VIT: variants seen among roughly 807,000 people sequenced by gnomAD.
VIT encodes vitrin.
Under a neutral mutation model 78.0 loss-of-function variants are expected in VIT, and 99 were observed. The ratio of observed to expected loss-of-function variants is 1.27; its 90% CI spans 1.08 to 1.50. The LOEUF (loss-of-function observed/expected upper bound fraction) is 1.50. Ranked by LOEUF, VIT falls within the 40% of genes most tolerant of loss-of-function variation. The pLI is 0.00. For synonymous variants in VIT, 374 were observed against 334.3 expected (o/e 1.12, Z -1.29); for missense variants, 1,126 against 875.3 (o/e 1.29, Z -3.61).
chr2:36,759,424 C>G (rs1327557933), intron 6 of VIT: 8 of 1,292,878 alleles, frequency 6.2e-6, no homozygotes, highest in Non-Finnish European at 7.9e-6. Flanking sequence ...TGAAGAGAAG[C>G]AAAGAGAACG....
At chr2:36,732,610 T>C (rs1264432690) in intron 3 of VIT, among the ~76,000 whole-genome samples, 1 of 152,144 alleles carries the variant, frequency 6.6e-6, no homozygotes, top group Admixed American at 6.5e-5. Flanking sequence ...CATTATTCAC[T>C]CATTTGATAA....
chr2:36,804,506 G>A (rs1666561207), intron 13 of VIT, among the ~76,000 whole-genome samples: 1 of 152,180 alleles, frequency 6.6e-6, no homozygotes, highest in Non-Finnish European at 1.5e-5. Context: ...GGCTTAGTGT[G>A]GGTCCAGCAG....
chr2:36,763,671 C>A (rs911960681), intron 6 of VIT, among the ~76,000 whole-genome samples: 4 of 146,816 alleles, frequency 2.7e-5, no homozygotes, highest in African/African-American at 7.5e-5. Flanking sequence ...CTCTCCACAA[C>A]CTCCGCCTCC....
At chr2:36,755,695 T>C (rs1028281109) in intron 5 of VIT, among the ~76,000 whole-genome samples, 2 of 152,204 alleles carry the variant, frequency 1.3e-5, no homozygotes, top group African/African-American at 4.8e-5. Context: ...ACATTAGTAA[T>C]TGCAAAATTA....
intron 9 of VIT, among the ~76,000 whole-genome samples, chr2:36,779,658 CTGTTCCCCACCATG>C (rs1327078661): frequency 6.6e-6 from 1 of 152,170 alleles, no homozygotes; most frequent in Non-Finnish European, 1.5e-5. Flanking sequence ...CCAGTACGTG[CTGTTCCCCACCATG>C]TGTTCTCATC....
At chr2:36,706,073 T>G (rs1384419616) in intron 1 of VIT, among the ~76,000 whole-genome samples, 1 of 152,234 alleles carries the variant, frequency 6.6e-6, no homozygotes, top group Non-Finnish European at 1.5e-5. Flanking sequence ...AGCAACATTC[T>G]GACAGCATGG....
chr2:36,805,118 C>T (rs922654924), intron 13 of VIT, among the ~76,000 whole-genome samples: 3 of 151,930 alleles, frequency 2.0e-5, no homozygotes, highest in African/African-American at 7.3e-5. Context: ...GCCTAGGCAG[C>T]ATGGCAAAAC....
At chr2:36,779,193 CT>C (rs1670246131) in intron 9 of VIT, among the ~76,000 whole-genome samples, 1 of 152,200 alleles carries the variant, frequency 6.6e-6, no homozygotes, top group South Asian at 2.1e-4. Flanking sequence ...ATGATGACTC[CT>C]AGTGTGTGAT....
chr2:36,782,497 C>A (rs568024998), intron 10 of VIT, among the ~76,000 whole-genome samples: 1 of 152,336 alleles, frequency 6.6e-6, no homozygotes, highest in Non-Finnish European at 1.5e-5. Context: ...CGAGCGAAGA[C>A]CCCCGCACCT....
rs1199934547 is a variant in VIT, at chr2:36,808,539, T to G, written c.1457T>G (p.Leu486Arg). ...AGCTGGTTTGGCCTCCACAAGACCC[T>G]GCAGCCTCTGGTGAAGCGGGTCTGC... is the stretch of plus-strand genomic sequence containing the variant. ...VQSWFGLHKT[L>R]QPLVKRVCDT... is the part of the protein sequence containing the mutation. Residue 486 changes from leucine to arginine, a missense_variant, in exon 15 of 16, where the codon CTG becomes CGG. Coordinates refer to ENST00000379242, the MANE Select transcript of VIT (RefSeq NM_053276.4). 6.2e-7 allele frequency: 1 copy of G among 1,613,960 alleles called. No individual in the cohort carries two copies. Among genetic ancestry groups the G allele is most frequent in the African/African-American group, 1.3e-5 (1 of 74,946 alleles).
intron 13 of VIT, among the ~76,000 whole-genome samples, chr2:36,802,958 C>G (rs1045369087): frequency 6.6e-6 from 1 of 152,214 alleles, no homozygotes; most frequent in Non-Finnish European, 1.5e-5. Flanking sequence ...AGTAGGACCT[C>G]CAAGGGAGCT....
chr2:36,753,255 T>A (rs1668574089), intron 4 of VIT, among the ~76,000 whole-genome samples: 1 of 151,916 alleles, frequency 6.6e-6, no homozygotes, highest in South Asian at 2.1e-4. Flanking sequence ...AACTAATGGA[T>A]GCTGGGCCGA....
chr2:36,795,022 G>A (rs1665768773), intron 12 of VIT, among the ~76,000 whole-genome samples: 1 of 152,150 alleles, frequency 6.6e-6, no homozygotes, highest in Admixed American at 6.5e-5. Flanking sequence ...CGAGAGAGGA[G>A]AGGATGTTTG....
In VIT at chr2:36,783,321, G is replaced by A; in HGVS notation, c.848-19G>A. On this transcript the variant is annotated intron_variant, in intron 10 of 15. Transcript: ENST00000379242. Reference sequence around the variant, plus strand: ...TTCCTTTCCTTGTAAGTCACCAAAAGTTTTACTGCTCTTTCCAGGACTTGT... The same window carrying A: ...TTCCTTTCCTTGTAAGTCACCAAAAATTTTACTGCTCTTTCCAGGACTTGT... 1 of 1,613,886 alleles carries A rather than the reference G, an allele frequency of 6.2e-7. No homozygotes were observed. The highest frequency in any genetic ancestry group is 8.5e-7 in the Non-Finnish European group (1 of 1,179,856).
rs761963278 is a variant in VIT, at chr2:36,808,556, C to G, written c.1474C>G (p.Arg492Gly). ...CAAGACCCTGCAGCCTCTGGTGAAGCGGGTCTGCGACACTGACCGCCTGGC... is the reference window on the plus strand; with the variant it reads ...CAAGACCCTGCAGCCTCTGGTGAAGGGGGTCTGCGACACTGACCGCCTGGC... ...LHKTLQPLVK[R>G]VCDTDRLACS... Residue 492 changes from arginine (R) to glycine (G), a missense_variant, in exon 15 of 16, where the codon CGG (arginine) becomes GGG (glycine). Arg to Gly is a moderately radical substitution (Grantham distance 125). Transcript: ENST00000379242. 23 of 1,613,988 alleles carry G rather than the reference C, an allele frequency of 1.4e-5. No homozygotes were observed. The highest frequency in any genetic ancestry group is 2.7e-5 in the African/African-American group (2 of 74,926).
At chr2:36,783,595 G>A (rs1208847855) in intron 11 of VIT, among the ~76,000 whole-genome samples, 193 bp downstream of exon 11, 3 of 152,204 alleles carry the variant, frequency 2.0e-5, no homozygotes, top group African/African-American at 7.2e-5. Flanking sequence ...GCATGAGGGG[G>A]AGAGGATCAA....
Position 36,755,036 on chromosome 2 carries a change from G to A in VIT, c.391G>A (p.Glu131Lys). ...VQSLSLPRWR[E>K]SFIVLESKPK... The stretch of plus-strand genomic sequence containing the variant: ...ATCGTTATCCCTACCACGATGGAGA[G>A]AATCCTTTATCGTCTTAGGTATGAC... Residue 131 changes from glutamate to lysine, a missense_variant, in exon 5 of 16, where the codon GAA becomes AAA. Coordinates refer to ENST00000379242, the MANE Select transcript of VIT (RefSeq NM_053276.4). 1 of 1,614,140 alleles carries A rather than the reference G, an allele frequency of 6.2e-7. No individual in the cohort carries two copies. Among genetic ancestry groups the A allele is most frequent in the Non-Finnish European group, 8.5e-7 (1 of 1,180,002 alleles).
At chr2:36,762,089 T>A (rs753835680) in intron 6 of VIT, among the ~76,000 whole-genome samples, 58 of 152,024 alleles carry the variant, frequency 3.8e-4, no homozygotes, top group Admixed American at 3.3e-4. Flanking sequence ...ATAATAAAAG[T>A]CTACTTGGTT....
At chr2:36,814,138 AC>A (rs1345388316) in intron 15 of VIT, 44 bp from the exon 16 acceptor site, 1 of 1,592,042 alleles carries the variant, frequency 6.3e-7, no homozygotes, top group Non-Finnish European at 8.6e-7. Flanking sequence ...CTTTAGCAGC[AC>A]CTTTACTTGG....
Sources: allele counts gnomAD v4.1 joint callset (sites outside exome capture counted in the v4.1 genomes callset), GRCh38; gene constraint gnomAD v4.1.1; transcripts MANE v1.5; gene names NCBI Gene and HGNC (gene_info 2026-07-23, HGNC 2026-07-21).